HECA: variants seen among roughly 807,000 people sequenced by gnomAD.
The protein encoded by HECA is HECA ribonucleoprotein granule regulator.
In HECA, 13 loss-of-function variants were observed where a neutral mutation model predicts 37.6. That is an observed-to-expected ratio of 0.35 (90% CI 0.23 to 0.55). The LOEUF is 0.55. Ranked by LOEUF, HECA falls within the 20% of genes least tolerant of loss-of-function variation. The pLI, the probability that HECA is intolerant of heterozygous loss-of-function variation, is 0.90. For synonymous variants in HECA, 307 were observed against 291.5 expected, an observed-to-expected ratio of 1.05 and a Z score of -0.54; for missense variants, 527 against 701.9, an observed-to-expected ratio of 0.75 and a Z score of 2.82.
At chr6:139,160,802 G>A (rs1754567545) in intron 1 of HECA, among the ~76,000 whole-genome samples, 2 of 152,206 alleles carry the variant, frequency 1.3e-5, no homozygotes, top group African/African-American at 4.8e-5. Flanking sequence ...TTTATCTGGG[G>A]AGTGAAATAC....
chr6:139,173,569 A>G (rs1775006447), intron 2 of HECA, among the ~76,000 whole-genome samples: 2 of 152,160 alleles, frequency 1.3e-5, no homozygotes. Context: ...TCCTGATGGT[A>G]GTTTTTAACA....
chr6:139,152,274 A>G (rs1213331726), intron 1 of HECA, among the ~76,000 whole-genome samples: 2 of 152,150 alleles, frequency 1.3e-5, no homozygotes, highest in Non-Finnish European at 1.5e-5. Context: ...AGAAACCTAG[A>G]GTTTTTTATT....
chr6:139,159,833 C>T (rs1774772347), intron 1 of HECA, among the ~76,000 whole-genome samples: 1 of 152,242 alleles, frequency 6.6e-6, no homozygotes, highest in Admixed American at 6.5e-5. Flanking sequence ...TCCTTACCTT[C>T]ATTCCACCCA....
At position 139,177,081 on chromosome 6, in the gene HECA, C is replaced by T. The variant is rs557285427; in HGVS notation, c.1608C>T (p.Ser536=). The change falls in exon 4 of 4, where the codon TCC becomes TCT. Residue 536 remains serine, a synonymous_variant. Transcript: ENST00000367658. The surrounding 1 kb of genome is among the most constrained non-coding windows in gnomAD (Gnocchi z 4.9). ...ACCACTTCGTGAAGCCATTTTCCTCCTTCAAAGTTCTCGAAGCTTATTGAT... is the reference window on the plus strand; with the variant it reads ...ACCACTTCGTGAAGCCATTTTCCTCTTTCAAAGTTCTCGAAGCTTATTGAT... The part of the protein sequence containing the change: ...LDYHFVKPFS[S]FKVLEAY 1 of 860,458 alleles carries T rather than the reference C, an allele frequency of 1.2e-6. No homozygotes were observed. The highest frequency in any genetic ancestry group is 1.6e-5 in the African/African-American group (1 of 61,252). The allele number at this position is 860,458 out of a possible 1,614,324, so 53.3% of individuals were successfully genotyped here.
chr6:139,169,788 C>T (rs1774946247), intron 2 of HECA: 2 of 152,212 alleles, frequency 1.3e-5, no homozygotes, highest in South Asian at 4.1e-4. Context: ...TCTCTAGAGG[C>T]TTAAGCTTGG....
Position 139,166,333 on chromosome 6 carries a change from C to T in HECA, c.321C>T (p.Asp107=), listed in dbSNP as rs1774885247. The change falls in exon 2 of 4, where the codon GAC becomes GAT. Residue 107 remains aspartate (D), a synonymous_variant. Transcript: ENST00000367658. ...PLICSFGRPV[D]LEKDDYQKVV... is the part of the protein sequence containing the mutation. ...TCTGCAGCTTCGGTAGGCCGGTGGACCTGGAGAAGGACGACTACCAGAAGG... is the reference window on the plus strand; with the variant it reads ...TCTGCAGCTTCGGTAGGCCGGTGGATCTGGAGAAGGACGACTACCAGAAGG... 1.2e-6 allele frequency: 2 copies of T among 1,613,304 alleles called. No individual in the cohort carries two copies. Among genetic ancestry groups the T allele is most frequent in the Non-Finnish European group, 1.7e-6 (2 of 1,179,396 alleles).
At chr6:139,149,624 T>G (rs2114446134) in intron 1 of HECA, among the ~76,000 whole-genome samples, 1 of 152,172 alleles carries the variant, frequency 6.6e-6, no homozygotes, top group East Asian at 1.9e-4. Context: ...TTCTGCTGCT[T>G]TGGGGGGAGC....
chr6:139,167,555 A>G (rs1011435823), intron 2 of HECA, among the ~76,000 whole-genome samples: 1 of 152,126 alleles, frequency 6.6e-6, no homozygotes, highest in Non-Finnish European at 1.5e-5. Flanking sequence ...GTGTTCTGTA[A>G]TTTGAAGAAA....
chr6:139,155,923 T>C (rs577522291), intron 1 of HECA, among the ~76,000 whole-genome samples: 1 of 152,228 alleles, frequency 6.6e-6, no homozygotes, highest in Non-Finnish European at 1.5e-5. Flanking sequence ...TCCCAAATTA[T>C]GTGTGAAGCC....
In HECA at chr6:139,166,861, C is replaced by T. The variant is rs1178423881; in HGVS notation, c.849C>T (p.Ala283=). 1.9e-6 allele frequency: 3 copies of T among 1,613,876 alleles called. No homozygotes were observed. In the African/African-American group the frequency reaches 4.0e-5, roughly 22 times the overall value. ...PPTGYSILSP[A]HFSGPRSSRY... ...CGGGCTACTCCATCCTCTCTCCTGCCCACTTCAGCGGCCCCCGCTCCTCCA... is the reference window on the plus strand; with the variant it reads ...CGGGCTACTCCATCCTCTCTCCTGCTCACTTCAGCGGCCCCCGCTCCTCCA... Residue 283 remains alanine (A), a synonymous_variant, in exon 2 of 4, where the codon GCC becomes GCT. Transcript: ENST00000367658.
At position 139,176,886 on chromosome 6, in the gene HECA, G is replaced by C. The variant is rs1223779864; in HGVS notation, c.1468-55G>C. On this transcript the variant is annotated intron_variant, in intron 3 of 3. Coordinates refer to ENST00000367658, the MANE Select transcript of HECA (RefSeq NM_016217.3). The surrounding 1 kb of genome is among the most constrained non-coding windows in gnomAD (Gnocchi z 4.5). The stretch of plus-strand genomic sequence containing the variant: ...CCAGCATTTTGGTTTGGATGACTTT[G>C]ACAAGTGTTGGGAAGTGGAGGGGTG... The C allele has an allele frequency of 2.4e-6, 2 of 824,976 alleles. No individual in the cohort carries two copies. The highest frequency in any genetic ancestry group is 3.3e-5 in the African/African-American group (2 of 60,346). 51.1% of individuals were successfully genotyped at this position (824,976 alleles called of 1,614,324 possible).
chr6:139,142,722 C>A (rs182577611), intron 1 of HECA, among the ~76,000 whole-genome samples: 1 of 152,084 alleles, frequency 6.6e-6, no homozygotes, highest in Non-Finnish European at 1.5e-5. Context: ...CCGAGACGGG[C>A]GGATCATGAG....
rs1292577577 is a variant in HECA at position 139,158,305 on chromosome 6, G to A, written c.272-7979G>A. Among the ~76,000 whole-genome samples the A allele has an allele frequency of 7.2e-5, 11 of 151,982 alleles. No homozygotes were observed. The East Asian group carries it at 7.8e-4, about 11-fold the overall frequency. On this transcript the variant is annotated intron_variant, in intron 1 of 3. Transcript: ENST00000367658. ...ATCACGAGGTCAGGAGATGGAGACC[G>A]TCCTGGAAAACACAGTGAAACTCCG... is the stretch of plus-strand genomic sequence containing the variant.
In HECA at chr6:139,177,374, T is replaced by G. The variant is rs1204665138; in HGVS notation, c.*269T>G. 6 of 263,450 alleles carry G rather than the reference T, an allele frequency of 2.3e-5. No homozygotes were observed. The highest frequency in any genetic ancestry group is 4.3e-5 in the Non-Finnish European group (6 of 139,952). 16.3% of individuals were successfully genotyped at this position (263,450 alleles called of 1,614,324 possible). A position where few individuals can be genotyped will look rare whatever the true frequency, so the allele number is the denominator to read the frequency against. ...AAGAATCTTTGATGCAGCTTTAAGA[T>G]GGTGGGGAGGATGGGGTGAATTTAG... On this transcript the variant is annotated 3_prime_UTR_variant, in exon 4 of 4. Transcript: ENST00000367658. This position sits in a 1 kb window ranked among gnomAD's most constrained non-coding sequence, Gnocchi z 4.9.
rs1176704788 is a variant in HECA at position 139,179,153 on chromosome 6, T to C, written c.*2048T>C. The stretch of plus-strand genomic sequence containing the variant: ...AACTTGTCTTTAATGCACAAAGCTG[T>C]AGTGGTGAATTAACTATCTCCTTAT... On this transcript the variant is annotated 3_prime_UTR_variant, in exon 4 of 4. Coordinates refer to ENST00000367658, the MANE Select transcript of HECA (RefSeq NM_016217.3). The C allele has an allele frequency of 6.6e-6, 1 of 152,204 alleles. No individual in the cohort carries two copies. The highest frequency in any genetic ancestry group is 2.4e-5 in the African/African-American group (1 of 41,450). The allele number at this position is 152,204 out of a possible 1,614,324, so 9.4% of individuals were successfully genotyped here. A position where few individuals can be genotyped will look rare whatever the true frequency, so the allele number is the denominator to read the frequency against.
Position 139,135,144 on chromosome 6 carries a change from T to C in HECA, c.-253T>C, listed in dbSNP as rs1352202402. ...CCCTCCGGCTCGGGAGCGTCTCGCT[T>C]GCGCCCCGGGCCCGCGGCGCCCGCG... On this transcript the variant is annotated 5_prime_UTR_variant, in exon 1 of 4. Coordinates refer to ENST00000367658, the MANE Select transcript of HECA (RefSeq NM_016217.3). 5.7e-6 allele frequency: 1 copy of C among 175,294 alleles called. No individual in the cohort carries two copies. Among genetic ancestry groups the C allele is most frequent in the Non-Finnish European group, 1.2e-5 (1 of 83,900 alleles). 10.9% of individuals were successfully genotyped at this position (175,294 alleles called of 1,614,324 possible).
intron 1 of HECA, among the ~76,000 whole-genome samples, chr6:139,143,859 C>T (rs1166686491): frequency 3.7e-5 from 5 of 135,418 alleles, no homozygotes; most frequent in Non-Finnish European, 6.5e-5. Flanking sequence ...GACTCTGTCT[C>T]AAAAAAAAAA....
At chr6:139,163,430 C>G (rs1425004344) in intron 1 of HECA, among the ~76,000 whole-genome samples, 2 of 151,240 alleles carry the variant, frequency 1.3e-5, no homozygotes, top group Non-Finnish European at 2.9e-5. Flanking sequence ...TCTCTACTCA[C>G]TACAACCTTC....
intron 1 of HECA, among the ~76,000 whole-genome samples, chr6:139,146,062 C>G (rs928924079): frequency 1.3e-5 from 2 of 152,172 alleles, no homozygotes; most frequent in African/African-American, 4.8e-5. Flanking sequence ...ATTACCTCCC[C>G]TCCCCTACCA....
Sources: allele counts gnomAD v4.1 joint callset (sites outside exome capture counted in the v4.1 genomes callset), GRCh38; gene constraint gnomAD v4.1.1; non-coding constraint Gnocchi (gnomAD v3.1); transcripts MANE v1.5; gene names NCBI Gene and HGNC (gene_info 2026-07-23, HGNC 2026-07-21).